PRDM16: variants seen among roughly 807,000 people sequenced by gnomAD.
PRDM16 encodes histone-lysine N-methyltransferase PRDM16.
A neutral mutation model predicts 110.6 loss-of-function variants in PRDM16; 23 were observed. That is an observed-to-expected ratio of 0.21 (90% confidence interval 0.15 to 0.29). The LOEUF is 0.29. PRDM16 is among the 10% of genes least tolerant of loss of function. PRDM16 has a pLI of 1.00. For synonymous variants in PRDM16, 799 were observed against 781.8 expected, an observed-to-expected ratio of 1.02 and a Z score of -0.37; for missense variants, 1,615 against 1,794.3, an observed-to-expected ratio of 0.90 and a Z score of 1.81.
chr1:3,173,119 C>T (rs576872633), intron 1 of PRDM16, among the ~76,000 whole-genome samples: 3 of 152,274 alleles, frequency 2.0e-5, no homozygotes, highest in African/African-American at 4.8e-5. Context: ...TGCTGCTTAG[C>T]GCAGGGCCAG....
At chr1:3,162,061 G>T (rs1487238308) in intron 1 of PRDM16, among the ~76,000 whole-genome samples, 2 of 151,988 alleles carry the variant, frequency 1.3e-5, no homozygotes, top group African/African-American at 4.8e-5. Flanking sequence ...CGTCCCCCTA[G>T]ACCCCAAGAC....
chr1:3,326,002 CTTGG>C, intron 3 of PRDM16, among the ~76,000 whole-genome samples: 1 of 142,420 alleles, frequency 7.0e-6, no homozygotes, highest in South Asian at 2.5e-4. Flanking sequence ...CTTGGCCCCC[CTTGG>C]CCATCCTCGA....
chr1:3,218,414 G>A (rs918758935), intron 2 of PRDM16, among the ~76,000 whole-genome samples: 1 of 152,234 alleles, frequency 6.6e-6, no homozygotes, highest in Non-Finnish European at 1.5e-5. Flanking sequence ...TCCCCAGGGG[G>A]CAGCCGGGGC....
At chr1:3,171,379 C>A (rs551110627) in intron 1 of PRDM16, among the ~76,000 whole-genome samples, 1 of 152,328 alleles carries the variant, frequency 6.6e-6, no homozygotes, top group East Asian at 1.9e-4. Context: ...CTTTTCTGAA[C>A]GAGCCCTGGC....
At chr1:3,138,056 T>G (rs575991326) in intron 1 of PRDM16, among the ~76,000 whole-genome samples, 10 of 152,322 alleles carry the variant, frequency 6.6e-5, no homozygotes, top group Non-Finnish European at 1.2e-4. Context: ...GAATCCCGTG[T>G]AAGTTCCCCC....
At chr1:3,129,788 A>G (rs2742669) in intron 1 of PRDM16, among the ~76,000 whole-genome samples, 21,941 of 152,124 alleles carry the variant, frequency 0.14, 1,694 homozygotes, top group Middle Eastern at 0.16. Context: ...TTTTCCAAGG[A>G]AAGAATTTCT....
chr1:3,430,838 C>A (rs773772820), intron 14 of PRDM16, 34 bp from the exon 15 acceptor site: 1 of 1,609,348 alleles, frequency 6.2e-7, no homozygotes, highest in Admixed American at 1.7e-5. Context: ...CAGAGACACC[C>A]AAACTCAGTC....
intron 2 of PRDM16, among the ~76,000 whole-genome samples, chr1:3,231,403 GTC>G: frequency 6.6e-6 from 1 of 150,612 alleles, no homozygotes; most frequent in Non-Finnish European, 1.5e-5. Flanking sequence ...GGTCAAGGCC[GTC>G]TCCCCTTCTC....
At chr1:3,210,213 G>GCCT (rs1638848659) in intron 2 of PRDM16, among the ~76,000 whole-genome samples, 1 of 152,236 alleles carries the variant, frequency 6.6e-6, no homozygotes, top group African/African-American at 2.4e-5. Flanking sequence ...TGCACTCACA[G>GCCT]GCAGGTGGGC....
At chr1:3,107,413 C>A (rs566239815) in intron 1 of PRDM16, among the ~76,000 whole-genome samples, 8 of 152,128 alleles carry the variant, frequency 5.3e-5, no homozygotes, top group Admixed American at 5.2e-4. Context: ...GAGGGATTAC[C>A]GGGCTCGGGA....
intron 3 of PRDM16, among the ~76,000 whole-genome samples, chr1:3,365,946 ACACGCATG>A (rs1275954437): frequency 6.7e-6 from 1 of 150,372 alleles, no homozygotes; most frequent in Non-Finnish European, 1.5e-5. Context: ...ACACAAACGC[ACACGCATG>A]CACACATGCA....
At chr1:3,325,027 G>A (rs1400898429) in intron 3 of PRDM16, among the ~76,000 whole-genome samples, 1 of 152,128 alleles carries the variant, frequency 6.6e-6, no homozygotes, top group Non-Finnish European at 1.5e-5. Flanking sequence ...GCCCCTACAT[G>A]TGGCCTCTGA....
intron 3 of PRDM16, among the ~76,000 whole-genome samples, chr1:3,270,978 A>G (rs1470313230): frequency 6.6e-6 from 1 of 152,188 alleles, no homozygotes; most frequent in African/African-American, 2.4e-5. Context: ...AGAGGAGGAC[A>G]GTGTGGGCCC....
intron 1 of PRDM16, among the ~76,000 whole-genome samples, chr1:3,169,678 C>T (rs1441358321): frequency 1.3e-5 from 2 of 152,256 alleles, no homozygotes; most frequent in African/African-American, 4.8e-5. Context: ...CCCCCACGGG[C>T]CCCCCAACAC....
intron 2 of PRDM16, among the ~76,000 whole-genome samples, chr1:3,191,749 TG>T (rs1043411293): frequency 6.6e-6 from 1 of 151,598 alleles, no homozygotes; most frequent in African/African-American, 2.4e-5. Context: ...GACGATGGAG[TG>T]GGGTGAGGGC....
At chr1:3,276,913 C>T (rs910940269) in intron 3 of PRDM16, among the ~76,000 whole-genome samples, 2 of 152,136 alleles carry the variant, frequency 1.3e-5, no homozygotes, top group Admixed American at 6.5e-5. Flanking sequence ...GCACTTCCTC[C>T]GCCATCTTCT....
chr1:3,164,086 C>T (rs555469856), intron 1 of PRDM16, among the ~76,000 whole-genome samples: 4 of 152,346 alleles, frequency 2.6e-5, no homozygotes, highest in African/African-American at 4.8e-5. Flanking sequence ...GCCACTGGCC[C>T]GCTGCGCCCT....
At chr1:3,371,327 CCATCCATT>C (rs936611823) in intron 3 of PRDM16, among the ~76,000 whole-genome samples, 11 of 151,756 alleles carry the variant, frequency 7.2e-5, no homozygotes, top group African/African-American at 2.2e-4. Flanking sequence ...ATTGAATCAT[CCATCCATT>C]CATCCATTCA....
chr1:3,341,802 G>T (rs537251848), intron 3 of PRDM16, among the ~76,000 whole-genome samples: 1 of 152,252 alleles, frequency 6.6e-6, no homozygotes, highest in Non-Finnish European at 1.5e-5. Context: ...AACCGCCCGC[G>T]CTCTGCAGCG....
Sources: allele counts gnomAD v4.1 joint callset (sites outside exome capture counted in the v4.1 genomes callset), GRCh38; gene constraint gnomAD v4.1.1; transcripts MANE v1.5; gene names NCBI Gene and HGNC (gene_info 2026-07-23, HGNC 2026-07-21).